ZNF248: variants seen among roughly 807,000 people sequenced by gnomAD.
ZNF248 encodes the protein zinc finger protein 248, also known as KRAB protein domain.
In ZNF248, 20 loss-of-function variants were observed where a neutral mutation model predicts 44.3. That is an observed-to-expected ratio of 0.45 (90% confidence interval 0.32 to 0.66). ZNF248 has a LOEUF of 0.66. ZNF248 is among the 30% of genes least tolerant of loss of function. ZNF248 has a pLI of 0.04. For synonymous variants in ZNF248, 224 were observed against 229.0 expected (o/e 0.98, Z 0.20); for missense variants, 654 against 677.0 (o/e 0.97, Z 0.38).
In ZNF248 at chr10:37,839,091, A is replaced by C. The variant is rs1018548611; in HGVS notation, c.16-980T>G. Among the ~76,000 whole-genome samples, 7 of 152,220 alleles carry C rather than the reference A, an allele frequency of 4.6e-5. No individual in the cohort carries two copies. In the East Asian group the frequency reaches 1.3e-3, roughly 29 times the overall value. On this transcript the variant is annotated intron_variant, in intron 3 of 5. Transcript: ENST00000395867. ...ACCATAAGTAATATGGTTTATACTCAGTATGTGCATTGCTCCTGGGAGTCT... is the reference window on the plus strand; with the variant it reads ...ACCATAAGTAATATGGTTTATACTCCGTATGTGCATTGCTCCTGGGAGTCT...
At chr10:37,783,474 A>G (rs1366543157) in intron 6 of ZNF248, among the ~76,000 whole-genome samples, 3 of 152,216 alleles carry the variant, frequency 2.0e-5, no homozygotes, top group Admixed American at 1.3e-4. Flanking sequence ...GGTCTTATAT[A>G]GGGCACCAAA....
At chr10:37,854,076 T>G (rs1454543604) in intron 3 of ZNF248, among the ~76,000 whole-genome samples, 1 of 152,218 alleles carries the variant, frequency 6.6e-6, no homozygotes, top group Non-Finnish European at 1.5e-5. Context: ...GTAATTTAAT[T>G]AAGTTTCTAC....
At position 37,796,379 on chromosome 10, in the gene ZNF248, C is replaced by CT. The variant is rs201345857; in HGVS notation, c.331-19805dup. Among the ~76,000 whole-genome samples, 951 of 143,354 alleles carry CT rather than the reference C, an allele frequency of 6.6e-3. 6 individuals are homozygous for CT. The highest frequency in any genetic ancestry group is 0.022 in the South Asian group (97 of 4,448). The allele number at this position is 143,354 out of a possible 152,430, so 94.0% of individuals were successfully genotyped here. A position where few individuals can be genotyped will look rare whatever the true frequency, so the allele number is the denominator to read the frequency against. On this transcript the variant is annotated intron_variant, in intron 6 of 6. Coordinates refer to the ZNF248 transcript ENST00000615949. Reference sequence around the variant, plus strand: ...TACAGGCATGCACCCCTACAGCTGGCTTTTTTTTTTTGTATTTTTATTAAA... The same window carrying CT: ...TACAGGCATGCACCCCTACAGCTGGCTTTTTTTTTTTTGTATTTTTATTAAA...
At chr10:37,854,541 C>T (rs546419125) in intron 3 of ZNF248, among the ~76,000 whole-genome samples, 154 of 152,278 alleles carry the variant, frequency 1.0e-3, no homozygotes, top group African/African-American at 3.5e-3. Context: ...TTTTACCTAT[C>T]GGTTGCCCCA....
rs1442258136 is a variant in ZNF248 at position 37,831,216 on chromosome 10, A to G, written c.*399T>C. 1.3e-6 allele frequency: 2 copies of G among 1,543,348 alleles called. No individual in the cohort carries two copies. The highest frequency in any genetic ancestry group is 1.7e-6 in the Non-Finnish European group (2 of 1,143,948). The stretch of plus-strand genomic sequence containing the variant: ...ACAAATCAAGCATACTCAAATTTAT[A>G]TATTTGCATACTCACATAAGGTCTA... On this transcript the variant is annotated 3_prime_UTR_variant, in exon 6 of 6. Coordinates refer to ENST00000395867, the MANE Select transcript of ZNF248 (RefSeq NM_021045.3).
At chr10:37,794,997 T>C (rs1382274388) in intron 6 of ZNF248, 1 of 152,548 alleles carries the variant, frequency 6.6e-6, no homozygotes, top group Non-Finnish European at 1.5e-5. Context: ...TTTCACAAGA[T>C]TTCTATGTGA....
downstream of ZNF248, among the ~76,000 whole-genome samples, chr10:37,771,688 T>C (rs1190739878): frequency 6.6e-6 from 1 of 151,630 alleles, no homozygotes; most frequent in African/African-American, 2.4e-5. Context: ...GATGAGTTAA[T>C]GGGCGCAGCA....
the ZNF248 span, among the ~76,000 whole-genome samples, chr10:37,763,407 G>C: frequency 6.6e-6 from 1 of 152,214 alleles, no homozygotes; most frequent in Non-Finnish European, 1.5e-5. Flanking sequence ...TGGTGGCAGG[G>C]CAGTGTGAGT....
intron 6 of ZNF248, among the ~76,000 whole-genome samples, chr10:37,804,185 G>A (rs1391887364): frequency 9.2e-5 from 13 of 140,894 alleles, no homozygotes; most frequent in East Asian, 2.1e-4. Flanking sequence ...GCTCACTGTC[G>A]CCTTCGCCTC....
At chr10:37,775,558 T>C (rs913346584), downstream of ZNF248, 1 of 152,204 alleles carries the variant, frequency 6.6e-6, no homozygotes, top group Admixed American at 6.6e-5. Flanking sequence ...AGAGCCATGA[T>C]GAGTGAGAAT....
chr10:37,766,474 C>T, the ZNF248 span, among the ~76,000 whole-genome samples: 1 of 152,106 alleles, frequency 6.6e-6, no homozygotes, highest in African/African-American at 2.4e-5. Flanking sequence ...CTACAGCCAC[C>T]ACTGTTCTGC....
chr10:37,790,350 C>A (rs1029023706), intron 6 of ZNF248, among the ~76,000 whole-genome samples: 2 of 151,162 alleles, frequency 1.3e-5, no homozygotes, highest in African/African-American at 4.9e-5. Context: ...GAGGCTGAGG[C>A]TGGAAAATCG....
chr10:37,779,678 G>C (rs1437530720), intron 6 of ZNF248, among the ~76,000 whole-genome samples: 5 of 151,910 alleles, frequency 3.3e-5, no homozygotes, highest in African/African-American at 9.7e-5. Context: ...AATTAGGCAG[G>C]AGAAGAAAAT....
chr10:37,777,949 G>A (rs1198394796), intron 6 of ZNF248, among the ~76,000 whole-genome samples: 7 of 151,776 alleles, frequency 4.6e-5, no homozygotes, highest in Non-Finnish European at 1.0e-4. Flanking sequence ...TGGACATTTG[G>A]GTTGGTTCCA....
chr10:37,793,208 G>T (rs1279355931), intron 6 of ZNF248, among the ~76,000 whole-genome samples: 1 of 151,956 alleles, frequency 6.6e-6, no homozygotes, highest in Non-Finnish European at 1.5e-5. Flanking sequence ...GGTGGCACAT[G>T]CCTGTAGTCC....
the ZNF248 span, among the ~76,000 whole-genome samples, chr10:37,761,643 G>A: frequency 6.6e-6 from 1 of 152,180 alleles, no homozygotes; most frequent in Non-Finnish European, 1.5e-5. Context: ...TTACTTCAAA[G>A]AATCAGGCTT....
chr10:37,825,130 T>C (rs957900684), downstream of ZNF248, among the ~76,000 whole-genome samples: 4 of 152,152 alleles, frequency 2.6e-5, no homozygotes, highest in African/African-American at 4.8e-5. Flanking sequence ...ATAGTTTCCA[T>C]TGTTCCTCTA....
chr10:37,857,688 T>A (rs909703141), upstream of ZNF248: 4 of 152,110 alleles, frequency 2.6e-5, no homozygotes, highest in Admixed American at 6.5e-5. Flanking sequence ...ACAACAAACG[T>A]CACACGCTAC....
At chr10:37,853,447 C>T (rs776200341) in intron 3 of ZNF248, among the ~76,000 whole-genome samples, 6 of 152,044 alleles carry the variant, frequency 3.9e-5, no homozygotes, top group Non-Finnish European at 7.4e-5. Context: ...GCGCAATCTC[C>T]GCTCACTGCA....
Sources: gnomAD v4.1 joint callset for allele counts (sites outside exome capture counted in the v4.1 genomes callset) on GRCh38, gnomAD v4.1.1 for gene constraint, MANE v1.5 for transcripts, NCBI Gene and HGNC (gene_info 2026-07-23, HGNC 2026-07-21) for gene names.